Variants in FNDC3B observed in about 807,000 individuals in gnomAD.
FNDC3B encodes fibronectin type III domain-containing protein 3B.
FNDC3B carries 12 observed loss-of-function variants against 151.5 expected under a neutral mutation model. That is an observed-to-expected ratio of 0.08 (90% CI 0.05 to 0.13). The LOEUF (loss-of-function observed/expected upper bound fraction) is 0.13, where lower values mean the gene tolerates loss of function less well. FNDC3B is among the 10% of genes least tolerant of loss of function. The pLI, the probability that FNDC3B is intolerant of heterozygous loss-of-function variation, is 1.00. For synonymous variants in FNDC3B, 528 were observed against 549.0 expected (o/e 0.96, Z 0.54); for missense variants, 1,214 against 1,505.3 (o/e 0.81, Z 3.20).
intron 11 of FNDC3B, among the ~76,000 whole-genome samples, chr3:172,324,776 G>C (rs1213617947): frequency 6.6e-6 from 1 of 152,192 alleles, no homozygotes; most frequent in Non-Finnish European, 1.5e-5. Context: ...CCAGTGGCTA[G>C]GTCTGTTCCA....
intron 25 of FNDC3B, among the ~76,000 whole-genome samples, chr3:172,392,810 C>CTTTCTTTTTTTTTTTTTTTTTT (rs1491505881): frequency 1.0e-5 from 1 of 99,874 alleles, no homozygotes; most frequent in Non-Finnish European, 1.9e-5. Context: ...TTTTTTTTTT[C>CTTTCTTTTTTTTTTTTTTTTTT]TTTTTTTTTT....
intron 1 of FNDC3B, among the ~76,000 whole-genome samples, chr3:172,091,791 T>G (rs1325793849): frequency 6.6e-6 from 1 of 151,972 alleles, no homozygotes; most frequent in African/African-American, 2.4e-5. Context: ...TTAGTCATCT[T>G]GACAAGAGTA....
At chr3:172,130,209 C>T (rs1721001613) in intron 2 of FNDC3B, among the ~76,000 whole-genome samples, 1 of 152,142 alleles carries the variant, frequency 6.6e-6, no homozygotes, top group African/African-American at 2.4e-5. Context: ...ATGAAAACAG[C>T]TAGGTGGTCA....
intron 25 of FNDC3B, among the ~76,000 whole-genome samples, chr3:172,384,448 G>T (rs1395758259): frequency 6.6e-6 from 1 of 152,152 alleles, no homozygotes; most frequent in East Asian, 1.9e-4. Context: ...AGAGAGCAGA[G>T]AATTTATTCT....
chr3:172,052,062 T>A (rs1192005224), intron 1 of FNDC3B, among the ~76,000 whole-genome samples: 1 of 152,030 alleles, frequency 6.6e-6, no homozygotes, highest in Non-Finnish European at 1.5e-5. Flanking sequence ...TGATCCTTTT[T>A]AAAAATAATC....
chr3:172,170,802 C>T (rs1179269897), intron 3 of FNDC3B, among the ~76,000 whole-genome samples: 1 of 152,178 alleles, frequency 6.6e-6, no homozygotes, highest in African/African-American at 2.4e-5. Flanking sequence ...GAAACAGTAC[C>T]TTCCCATTAT....
At chr3:172,270,225 AGT>A (rs952653126) in intron 6 of FNDC3B, among the ~76,000 whole-genome samples, 1 of 152,186 alleles carries the variant, frequency 6.6e-6, no homozygotes, top group African/African-American at 2.4e-5. Context: ...GGTAAAATAG[AGT>A]GTTACTCTCT....
chr3:172,165,233 C>T (rs1722952698), intron 3 of FNDC3B, among the ~76,000 whole-genome samples: 1 of 152,172 alleles, frequency 6.6e-6, no homozygotes, highest in African/African-American at 2.4e-5. Flanking sequence ...TGGTCTCAAA[C>T]TTCTGACCTC....
At chr3:172,244,617 C>CTTTTTTTTTTTTTTTTTTTTTTTT (rs11294678) in intron 4 of FNDC3B, among the ~76,000 whole-genome samples, 1 of 73,064 alleles carries the variant, frequency 1.4e-5, no homozygotes, top group Non-Finnish European at 2.3e-5. Context: ...AATATTTCAC[C>CTTTTTTTTTTTTTTTTTTTTTTTT]TTTTTTTTTT....
intron 3 of FNDC3B, among the ~76,000 whole-genome samples, chr3:172,178,522 G>A (rs1723724223): frequency 6.6e-6 from 1 of 152,090 alleles, no homozygotes; most frequent in Admixed American, 6.6e-5. Flanking sequence ...TTTCCATATT[G>A]TAAGACACTC....
intron 11 of FNDC3B, among the ~76,000 whole-genome samples, chr3:172,316,178 T>C (rs1731781668): frequency 6.6e-6 from 1 of 151,940 alleles, no homozygotes; most frequent in African/African-American, 2.4e-5. Context: ...CAGCTAATTT[T>C]TATATTTTTA....
intron 11 of FNDC3B, among the ~76,000 whole-genome samples, chr3:172,311,384 G>A (rs1287722277): frequency 6.6e-6 from 1 of 152,152 alleles, no homozygotes; most frequent in Non-Finnish European, 1.5e-5. Flanking sequence ...GGGTTAGAAT[G>A]TCCTGTATCG....
At chr3:172,274,226 T>C (rs1266080478) in intron 6 of FNDC3B, among the ~76,000 whole-genome samples, 1 of 152,236 alleles carries the variant, frequency 6.6e-6, no homozygotes, top group African/African-American at 2.4e-5. Flanking sequence ...TAATTGGATA[T>C]GGCCTCTTAC....
chr3:172,305,945 T>G (rs1731173957), intron 9 of FNDC3B, among the ~76,000 whole-genome samples: 1 of 152,248 alleles, frequency 6.6e-6, no homozygotes, highest in Non-Finnish European at 1.5e-5. Flanking sequence ...CATCAGGGGT[T>G]GGGTGGAGAG....
At chr3:172,084,294 A>T (rs1449545546) in intron 1 of FNDC3B, among the ~76,000 whole-genome samples, 1 of 151,854 alleles carries the variant, frequency 6.6e-6, no homozygotes, top group African/African-American at 2.4e-5. Flanking sequence ...ACAAAAAAAT[A>T]AAAAAAATTA....
At chr3:172,371,345 C>T (rs940740516) in intron 23 of FNDC3B, among the ~76,000 whole-genome samples, 2 of 151,742 alleles carry the variant, frequency 1.3e-5, no homozygotes, top group Non-Finnish European at 2.9e-5. Context: ...CTTTTTTTCC[C>T]CCATTATTTT....
In FNDC3B at chr3:172,329,070, G is replaced by T; in HGVS notation, c.1373G>T (p.Gly458Val). ...TFRLAARNDIGTSGYSQEVVC... is the reference protein window; with the variant it reads ...TFRLAARNDIVTSGYSQEVVC... ...AGGCTGGCCGCTCGAAACGACATTG[G>T]TACCAGGTATGACGTTTCCTTGTCC... The change falls in exon 12 of 26, where the codon GGT becomes GTT. Residue 458 changes from glycine (G) to valine (V), a missense_variant. Around this residue, in one of 7 missense-constraint regions of FNDC3B, gnomAD observed 111 missense variants for 96.8 expected, o/e 1.15. Transcript: ENST00000415807. The T allele has an allele frequency of 6.2e-7, 1 of 1,612,660 alleles. No individual in the cohort carries two copies. The highest frequency in any genetic ancestry group is 8.5e-7 in the Non-Finnish European group (1 of 1,179,156).
chr3:172,196,206 GAC>G (rs1724820206), intron 3 of FNDC3B, among the ~76,000 whole-genome samples: 2 of 151,852 alleles, frequency 1.3e-5, no homozygotes, highest in African/African-American at 2.4e-5. Flanking sequence ...CATTTTTTTA[GAC>G]ACAGTGTCTT....
At chr3:172,095,842 T>A (rs936788255) in intron 1 of FNDC3B, among the ~76,000 whole-genome samples, 3 of 152,186 alleles carry the variant, frequency 2.0e-5, no homozygotes, top group African/African-American at 7.2e-5. Flanking sequence ...GCACAGAGTA[T>A]CACAGCGTGC....
Sources: gnomAD v4.1 joint callset for allele counts (sites outside exome capture counted in the v4.1 genomes callset) on GRCh38, gnomAD v4.1.1 for gene constraint, gnomAD v4.1.1 regional missense constraint, MANE v1.5 for transcripts, NCBI Gene and HGNC (gene_info 2026-07-23, HGNC 2026-07-21) for gene names.